The following FAT3 variants were observed in gnomAD, a reference collection of about 807,000 sequenced individuals.
FAT3 encodes FAT atypical cadherin 3.
In FAT3, 95 loss-of-function variants were observed where a neutral mutation model predicts 310.2. The observed-to-expected ratio is 0.31, with a 90% CI of 0.26 to 0.36. The LOEUF (loss-of-function observed/expected upper bound fraction) is 0.36. FAT3 is among the 10% of genes least tolerant of loss of function. FAT3 has a pLI of 1.00. For missense variants in FAT3, 5,408 were observed against 5,715.6 expected, an observed-to-expected ratio of 0.95 and a Z score of 1.74; for synonymous variants, 2,314 against 2,192.9, an observed-to-expected ratio of 1.06 and a Z score of -1.54.
intron 2 of FAT3, among the ~76,000 whole-genome samples, chr11:92,356,511 C>A (rs1384828128): frequency 6.6e-6 from 1 of 152,116 alleles, no homozygotes; most frequent in African/African-American, 2.4e-5. Flanking sequence ...ATCAGGGCAC[C>A]AGCACAGTCA....
At chr11:92,240,362 T>G (rs897989) in intron 1 of FAT3, among the ~76,000 whole-genome samples, 44,380 of 151,878 alleles carry the variant, frequency 0.29, 6,838 homozygotes, top group East Asian at 0.47. Flanking sequence ...TTGAATGTCT[T>G]TTCAGTTTGT....
chr11:92,866,664 C>T (rs1156793351), intron 21 of FAT3, 77 bp from the exon 22 acceptor site: 46 of 1,335,080 alleles, frequency 3.4e-5, no homozygotes, highest in Non-Finnish European at 4.0e-6. Context: ...AGCCCCCGGG[C>T]CGGCCAGGAG....
rs1375533683 is a variant in FAT3, at chr11:92,798,233, C to A, written c.5220C>A (p.Ile1740=). The stretch of plus-strand genomic sequence containing the variant: ...AGCGCACATCCTCTTATCAACTCAT[C>A]ATTCAGGCCACCAATATGGCAGGAA... The part of the protein sequence containing the change: ...DYERTSSYQL[I]IQATNMAGMA... The change falls in exon 10 of 28, where the codon ATC becomes ATA. Residue 1740 remains isoleucine, a synonymous_variant. Coordinates refer to ENST00000525166, the MANE Select transcript of FAT3 (RefSeq NM_001367949.2). The A allele has an allele frequency of 2.5e-6, 4 of 1,613,938 alleles. No individual in the cohort carries two copies. The highest frequency in any genetic ancestry group is 1.1e-5 in the South Asian group (1 of 91,066).
chr11:92,621,473 A>C (rs1055479828), intron 3 of FAT3, among the ~76,000 whole-genome samples: 1 of 152,188 alleles, frequency 6.6e-6, no homozygotes, highest in African/African-American at 2.4e-5. Context: ...TTATTCAACT[A>C]GATCAATTTT....
intron 2 of FAT3, among the ~76,000 whole-genome samples, chr11:92,399,905 A>G (rs574340031): frequency 6.6e-6 from 1 of 152,330 alleles, no homozygotes; most frequent in South Asian, 2.1e-4. Context: ...TCTGGCCAAC[A>G]GGAGGTGCAA....
intron 4 of FAT3, among the ~76,000 whole-genome samples, chr11:92,705,563 G>A (rs1482054888): frequency 3.9e-5 from 3 of 77,046 alleles, no homozygotes; most frequent in African/African-American, 5.0e-5. Flanking sequence ...TGGTGTGATG[G>A]TGGTGGTGGT....
intron 13 of FAT3, among the ~76,000 whole-genome samples, chr11:92,812,687 T>C (rs1457632542): frequency 1.3e-5 from 2 of 152,196 alleles, no homozygotes; most frequent in African/African-American, 2.4e-5. Context: ...TCCAGCATTT[T>C]ATAAAAACAA....
At chr11:92,436,642 T>G (rs1355293532) in intron 2 of FAT3, among the ~76,000 whole-genome samples, 1 of 152,190 alleles carries the variant, frequency 6.6e-6, no homozygotes, top group African/African-American at 2.4e-5. Flanking sequence ...TCTTCTTATG[T>G]GCAAATATGA....
At chr11:92,759,100 G>T (rs955137453) in intron 4 of FAT3, among the ~76,000 whole-genome samples, 1 of 152,160 alleles carries the variant, frequency 6.6e-6, no homozygotes, top group African/African-American at 2.4e-5. Context: ...ATGAAACCAT[G>T]GGTAAGGAGA....
chr11:92,449,600 G>T (rs889508999), intron 2 of FAT3, among the ~76,000 whole-genome samples: 3 of 152,168 alleles, frequency 2.0e-5, no homozygotes, highest in Non-Finnish European at 4.4e-5. Flanking sequence ...ATGAAAATCA[G>T]TGTAGGTTGT....
chr11:92,834,872 G>A lies in FAT3; in HGVS notation c.9874G>A (p.Gly3292Ser). The A allele has an allele frequency of 3.7e-6, 6 of 1,604,260 alleles. No individual in the cohort carries two copies. The highest frequency in any genetic ancestry group is 5.1e-6 in the Non-Finnish European group (6 of 1,174,742). ...GKFKINPKTG[G>S]ISVSEVLDYE... ...AAGCTCCCCATTTTTCTTCAAAGGG[G>A]GTATTTCTGTCTCTGAAGTCCTGGA... Residue 3292 changes from glycine to serine, a missense_variant and splice_region_variant, in exon 15 of 28, where the codon GGT becomes AGT. Coordinates refer to ENST00000525166, the MANE Select transcript of FAT3 (RefSeq NM_001367949.2).
At chr11:92,726,456 A>G (rs1176527605) in intron 4 of FAT3, among the ~76,000 whole-genome samples, 1 of 152,208 alleles carries the variant, frequency 6.6e-6, no homozygotes, top group African/African-American at 2.4e-5. Flanking sequence ...TGTGGTTACG[A>G]TGTTTTAGAA....
intron 1 of FAT3, among the ~76,000 whole-genome samples, chr11:92,292,675 G>A (rs1163291292): frequency 6.6e-6 from 1 of 152,054 alleles, no homozygotes; most frequent in Non-Finnish European, 1.5e-5. Context: ...GAGGCATTTA[G>A]GTGTAAGGTT....
At chr11:92,380,294 G>A (rs1041412007) in intron 2 of FAT3, among the ~76,000 whole-genome samples, 3 of 152,040 alleles carry the variant, frequency 2.0e-5, no homozygotes, top group Admixed American at 6.6e-5. Flanking sequence ...GAACACTTTG[G>A]ACCTCGTATG....
Position 92,882,895 on chromosome 11 carries a change from C to T in FAT3, c.12439C>T (p.His4147Tyr), listed in dbSNP as rs2136410287. ...GGTGGTACCCAATATCCAGGCTGGC[C>T]ACTCCTACGTGGGGAAGGAGGAGCT... ...PVVVPNIQAG[H>Y]SYVGKEELIG... Residue 4147 changes from histidine to tyrosine, a missense_variant, in exon 24 of 28, where the codon CAC becomes TAC. Coordinates refer to ENST00000525166, the MANE Select transcript of FAT3 (RefSeq NM_001367949.2). The T allele has an allele frequency of 6.2e-7, 1 of 1,612,686 alleles. No homozygotes were observed. The highest frequency in any genetic ancestry group is 8.5e-7 in the Non-Finnish European group (1 of 1,179,484).
At chr11:92,508,472 AAG>A (rs1369563150) in intron 2 of FAT3, among the ~76,000 whole-genome samples, 19 of 152,144 alleles carry the variant, frequency 1.2e-4, no homozygotes, top group Non-Finnish European at 2.6e-4. Flanking sequence ...AAATGAAAAA[AAG>A]TGTTCTTTTT....
intron 19 of FAT3, among the ~76,000 whole-genome samples, chr11:92,855,386 A>G (rs1038114888): frequency 6.6e-5 from 10 of 152,130 alleles, no homozygotes; most frequent in Non-Finnish European, 1.2e-4. Flanking sequence ...TGGTCCCTCC[A>G]TTGTGCTCAC....
chr11:92,394,377 A>T (rs1949814730), intron 2 of FAT3, among the ~76,000 whole-genome samples: 1 of 152,106 alleles, frequency 6.6e-6, no homozygotes, highest in Non-Finnish European at 1.5e-5. Flanking sequence ...CAAGCCTGGG[A>T]ATTGGAGGCT....
intron 2 of FAT3, among the ~76,000 whole-genome samples, chr11:92,421,733 G>C (rs1033240760): frequency 6.6e-6 from 1 of 152,120 alleles, no homozygotes; most frequent in Non-Finnish European, 1.5e-5. Flanking sequence ...TATATCTTCT[G>C]TTTTTGTTCT....
Sources: allele counts gnomAD v4.1 joint callset (sites outside exome capture counted in the v4.1 genomes callset), GRCh38; gene constraint gnomAD v4.1.1; transcripts MANE v1.5; gene names NCBI Gene and HGNC (gene_info 2026-07-23, HGNC 2026-07-21).